SETD2: variants seen among roughly 807,000 people sequenced by gnomAD.
SETD2 encodes SET domain containing 2, histone lysine methyltransferase.
SETD2 carries 31 observed loss-of-function variants against 242.1 expected under a neutral mutation model. The ratio of observed to expected loss-of-function variants is 0.13; its 90% CI spans 0.10 to 0.17. SETD2 has a LOEUF of 0.17. Ranked by LOEUF, SETD2 falls within the 10% of genes least tolerant of loss-of-function variation. The pLI is 1.00. For missense variants in SETD2, 2,481 were observed against 3,046.3 expected (o/e 0.81, Z 4.37); for synonymous variants, 1,006 against 1,066.5 (o/e 0.94, Z 1.11).
chr3:47,032,749 T>C (rs1306245686), intron 18 of SETD2, among the ~76,000 whole-genome samples: 2 of 151,926 alleles, frequency 1.3e-5, no homozygotes, highest in East Asian at 3.9e-4. Flanking sequence ...CTGTCTCTAC[T>C]CCAAATACAA....
At chr3:47,047,308 T>G (rs749642762) in intron 15 of SETD2, among the ~76,000 whole-genome samples, 2 of 152,188 alleles carry the variant, frequency 1.3e-5, no homozygotes, top group African/African-American at 2.4e-5. Flanking sequence ...GCCTGGAGTT[T>G]CATAAGAAAT....
intron 15 of SETD2, among the ~76,000 whole-genome samples, chr3:47,055,930 G>A (rs190231864): frequency 0.019 from 2,758 of 141,540 alleles, 101 homozygotes; most frequent in African/African-American, 0.069. Context: ...GGAGAATGGC[G>A]TGAACCCGGG....
chr3:47,022,193 T>TCACACACACACACA (rs55972218), intron 18 of SETD2, among the ~76,000 whole-genome samples: 71 of 131,024 alleles, frequency 5.4e-4, no homozygotes, highest in African/African-American at 8.5e-4. Context: ...CAACAATCTG[T>TCACACACACACACA]CACACACACA....
rs1217315668 is a variant in SETD2 at position 47,056,000 on chromosome 3, G to A, written c.6963+821C>T. The stretch of plus-strand genomic sequence containing the variant: ...TGCACTCCAGCCTGGGGGACAGAGC[G>A]AGACTCCGTCTCAAAAAAAAAAAAA... On this transcript the variant is annotated intron_variant, in intron 15 of 20. Coordinates refer to ENST00000409792, the MANE Select transcript of SETD2 (RefSeq NM_014159.7). 1.0e-4 allele frequency among the ~76,000 whole-genome samples: 9 copies of A among 87,350 alleles called. No individual in the cohort carries two copies. In the Admixed American group the frequency reaches 1.2e-3, roughly 12 times the overall value. The allele number at this position is 87,350 out of a possible 152,430, so 57.3% of individuals were successfully genotyped here.
chr3:47,117,689 T>C (rs1317292394), intron 3 of SETD2, among the ~76,000 whole-genome samples: 3 of 152,210 alleles, frequency 2.0e-5, no homozygotes, highest in Admixed American at 2.0e-4. Flanking sequence ...TGAAGTGTAA[T>C]TACAGAATAA....
chr3:47,163,962 C>T lies in SETD2; in HGVS notation c.-38G>A. On this transcript the variant is annotated 5_prime_UTR_variant, in exon 1 of 21. Coordinates refer to ENST00000409792, the MANE Select transcript of SETD2 (RefSeq NM_014159.7). ...GAGACGGCGACGCGAGCCCCCTCCC[C>T]GCAGCAGGGCGACGCGGGGGAGGGG... The T allele has an allele frequency of 7.9e-7, 1 of 1,268,340 alleles. No homozygotes were observed. 78.6% of individuals were successfully genotyped at this position (1,268,340 alleles called of 1,614,324 possible). A position where few individuals can be genotyped will look rare whatever the true frequency, so the allele number is the denominator to read the frequency against.
Position 47,101,485 on chromosome 3 carries a change from G to A in SETD2, c.4988C>T (p.Thr1663Met), listed in dbSNP as rs1478147351. The A allele has an allele frequency of 6.2e-7, 1 of 1,612,910 alleles. No homozygotes were observed. The highest frequency in any genetic ancestry group is 1.3e-5 in the African/African-American group (1 of 74,818). Reference sequence around the variant, plus strand: ...ATATCTCTGGAACTGATAGTCAAACGTTAACTCTGAGCCTGAAGGAACCAG... The same window carrying A: ...ATATCTCTGGAACTGATAGTCAAACATTAACTCTGAGCCTGAAGGAACCAG... ...TKLVPSGSEL[T>M]FDYQFQRYGK... The change falls in exon 8 of 21, where the codon ACG becomes ATG. Residue 1663 changes from threonine to methionine, a missense_variant. Transcript: ENST00000409792.
chr3:47,017,568 AG>A lies in SETD2; in HGVS notation c.7533+69del, dbSNP rs1037161059. 85 of 1,108,520 alleles carry A rather than the reference AG, an allele frequency of 7.7e-5. No homozygotes were observed. Among genetic ancestry groups the A allele is most frequent in the Non-Finnish European group, 1.1e-4 (78 of 732,118 alleles). The allele number at this position is 1,108,520 out of a possible 1,614,324, so 68.7% of individuals were successfully genotyped here. ...AAAAAAAATACTTTCTATGATGAAA[AG>A]GGCTTCTTAGAAGGTACACAGTTTG... On this transcript the variant is annotated intron_variant, in intron 20 of 20. Transcript: ENST00000409792. This position sits in a 1 kb window ranked among gnomAD's most constrained non-coding sequence, Gnocchi z 4.8.
At chr3:47,102,839 A>T (rs183742861) in intron 7 of SETD2, among the ~76,000 whole-genome samples, 8 of 150,682 alleles carry the variant, frequency 5.3e-5, no homozygotes, top group Admixed American at 2.0e-4. Flanking sequence ...CATCAGTGTT[A>T]TTAAAAGTCA....
In SETD2 at chr3:47,087,773, C is replaced by T. The variant is rs141863428; in HGVS notation, c.5277+340G>A. Among the ~76,000 whole-genome samples the T allele has an allele frequency of 4.7e-3, 708 of 152,178 alleles. 4 individuals carry two copies. The highest frequency in any genetic ancestry group is 0.016 in the African/African-American group (670 of 41,504). On this transcript the variant is annotated intron_variant, in intron 10 of 20. Transcript: ENST00000409792. ...TCTGAGGTCAGGATTTCCACACCAG[C>T]CTGGCCAACATGGTGAAACCCCATC... is the stretch of plus-strand genomic sequence containing the variant.
At chr3:47,040,072 GT>G (rs2039210134) in intron 17 of SETD2, among the ~76,000 whole-genome samples, 1 of 150,864 alleles carries the variant, frequency 6.6e-6, no homozygotes, top group Admixed American at 6.6e-5. Flanking sequence ...TGCCTCCAGG[GT>G]TCAAGTAATT....
At chr3:47,048,616 A>T (rs989084513) in intron 15 of SETD2, among the ~76,000 whole-genome samples, 1 of 152,082 alleles carries the variant, frequency 6.6e-6, no homozygotes, top group African/African-American at 2.4e-5. Flanking sequence ...TTTATAAACA[A>T]ATTTTTTCAA....
At chr3:47,148,072 A>G (rs896995945) in intron 1 of SETD2, among the ~76,000 whole-genome samples, 1 of 151,852 alleles carries the variant, frequency 6.6e-6, no homozygotes, top group African/African-American at 2.4e-5. Flanking sequence ...GGCTTCAACT[A>G]TAACATAACC....
intron 5 of SETD2, among the ~76,000 whole-genome samples, chr3:47,106,524 A>G (rs2042430216): frequency 7.6e-6 from 1 of 131,846 alleles, no homozygotes; most frequent in African/African-American, 2.8e-5. Context: ...AAAAAAAAAA[A>G]AAGGCAGCCG....
At chr3:47,029,050 AC>A in intron 18 of SETD2, 1 of 178,022 alleles carries the variant, frequency 5.6e-6, no homozygotes, top group Non-Finnish European at 1.1e-5. Context: ...ACTATCAAAC[AC>A]CCCCAAACTT....
rs75433120 is a variant in SETD2, at chr3:47,058,764, T to C, written c.6294-1274A>G. ...ATCAGTGGTTGCCAGGAGTTAGGGATGTGGAAGGGACTGACTACAAAGGGG... is the reference window on the plus strand; with the variant it reads ...ATCAGTGGTTGCCAGGAGTTAGGGACGTGGAAGGGACTGACTACAAAGGGG... On this transcript the variant is annotated intron_variant, in intron 14 of 20. Coordinates refer to ENST00000409792, the MANE Select transcript of SETD2 (RefSeq NM_014159.7). Among the ~76,000 whole-genome samples, 649 of 151,788 alleles carry C rather than the reference T, an allele frequency of 4.3e-3. 4 individuals carry two copies. The highest frequency in any genetic ancestry group is 6.8e-3 in the Middle Eastern group (2 of 292).
At position 47,124,308 on chromosome 3, in the gene SETD2, C is replaced by T. The variant is rs1374704193; in HGVS notation, c.328G>A (p.Val110Ile). Residue 110 changes from valine to isoleucine, a missense_variant, in exon 3 of 21, where the codon GTA (valine) becomes ATA (isoleucine). This residue lies in a region of SETD2 where 334 missense variants were observed against 374.5 expected (regional missense o/e 0.89). Transcript: ENST00000409792. Reference protein sequence around the residue: ...TPNPPAVPLQVDSTPKMKMEI... With the variant: ...TPNPPAVPLQIDSTPKMKMEI... ...ATTTTCATTTTAGGAGTCGAGTCTA[C>T]CTGAAGAGGTACAGCTGGAGGGTTT... is the stretch of plus-strand genomic sequence containing the variant. 1 of 1,551,706 alleles carries T rather than the reference C, an allele frequency of 6.4e-7. No individual in the cohort carries two copies. The highest frequency in any genetic ancestry group is 2.0e-5 in the Admixed American group (1 of 51,000).
chr3:47,163,990 G>C lies in SETD2; in HGVS notation c.-66C>G. 1 of 1,246,904 alleles carries C rather than the reference G, an allele frequency of 8.0e-7. No homozygotes were observed. The highest frequency in any genetic ancestry group is 1.6e-5 in the African/African-American group (1 of 63,128). The allele number at this position is 1,246,904 out of a possible 1,614,324, so 77.2% of individuals were successfully genotyped here. On this transcript the variant is annotated 5_prime_UTR_variant, in exon 1 of 21. Transcript: ENST00000409792. The stretch of plus-strand genomic sequence containing the variant: ...AGCAGGGCGACGCGGGGGAGGGGAG[G>C]GGAGGAGGCCGCAGGTCCGACCGCG...
intron 12 of SETD2, among the ~76,000 whole-genome samples, chr3:47,074,678 T>C (rs2040972857): frequency 6.6e-6 from 1 of 152,210 alleles, no homozygotes; most frequent in African/African-American, 2.4e-5. Flanking sequence ...AGAAACACTT[T>C]TTGAACCACA....
Sources: gnomAD v4.1 joint callset for allele counts (sites outside exome capture counted in the v4.1 genomes callset) on GRCh38, gnomAD v4.1.1 for gene constraint, gnomAD v4.1.1 regional missense constraint, Gnocchi (gnomAD v3.1) non-coding constraint, MANE v1.5 for transcripts, NCBI Gene and HGNC (gene_info 2026-07-23, HGNC 2026-07-21) for gene names.